Variants in ROR1 observed in about 807,000 individuals in gnomAD.
The protein encoded by ROR1 is ROR family WNT receptor 1.
ROR1 carries 19 observed loss-of-function variants against 78.8 expected under a neutral mutation model. The ratio of observed to expected loss-of-function variants is 0.24; its 90% CI spans 0.17 to 0.35. The LOEUF is 0.35. Among genes scored for constraint, ROR1 ranks in the 10% least tolerant of loss-of-function variants. ROR1 has a pLI of 1.00. For missense variants in ROR1, 917 were observed against 1,177.8 expected (o/e 0.78, Z 3.24); for synonymous variants, 386 against 433.6 (o/e 0.89, Z 1.36).
intron 1 of ROR1, among the ~76,000 whole-genome samples, chr1:63,938,597 G>A (rs1398651117): frequency 2.6e-5 from 4 of 152,160 alleles, no homozygotes; most frequent in Admixed American, 1.3e-4. Context: ...TCGGATTGCT[G>A]TTCAATGAAA....
At chr1:64,081,284 C>T (rs370662990) in intron 4 of ROR1, among the ~76,000 whole-genome samples, 1 of 152,132 alleles carries the variant, frequency 6.6e-6, no homozygotes, top group East Asian at 1.9e-4. Context: ...TTCTGGGAAC[C>T]TGTATTGAAA....
chr1:63,859,590 C>T (rs1645167893), intron 1 of ROR1, among the ~76,000 whole-genome samples: 1 of 152,190 alleles, frequency 6.6e-6, no homozygotes, highest in Admixed American at 6.5e-5. Context: ...ATGGGTAAAG[C>T]TTGGAGCTTG....
intron 1 of ROR1, among the ~76,000 whole-genome samples, chr1:63,999,130 C>T (rs991288306): frequency 6.6e-6 from 1 of 152,220 alleles, no homozygotes; most frequent in African/African-American, 2.4e-5. Flanking sequence ...TACAGAAATA[C>T]AGACGTATAC....
chr1:64,113,193 G>A (rs370864439), intron 4 of ROR1, among the ~76,000 whole-genome samples: 305 of 152,130 alleles, frequency 2.0e-3, no homozygotes, highest in African/African-American at 7.2e-3. Flanking sequence ...CTCTTTTATA[G>A]TTATTTCTGT....
intron 2 of ROR1, among the ~76,000 whole-genome samples, chr1:64,034,391 T>C (rs1288944870): frequency 6.6e-6 from 1 of 152,168 alleles, no homozygotes; most frequent in East Asian, 1.9e-4. Context: ...TTCAGAATTT[T>C]TGTTTCTTGA....
intron 1 of ROR1, among the ~76,000 whole-genome samples, chr1:63,821,450 C>G (rs780082656): frequency 2.0e-5 from 3 of 152,184 alleles, no homozygotes; most frequent in Non-Finnish European, 2.9e-5. Context: ...CTTTTCACTG[C>G]TGCATTTGGA....
chr1:64,123,856 C>T (rs758830149), intron 4 of ROR1, among the ~76,000 whole-genome samples: 4 of 151,852 alleles, frequency 2.6e-5, no homozygotes, highest in Admixed American at 2.0e-4. Flanking sequence ...TACCTTTTAC[C>T]CCAAAATAAT....
rs1187102589 is a variant in ROR1, at chr1:64,179,340, C to G, written c.*485C>G. ...ATTGAATTTAGACTCTGTGCATGTT[C>G]TTATGGAAATGATGTTCAGAATCCA... On this transcript the variant is annotated 3_prime_UTR_variant, in exon 9 of 9. Transcript: ENST00000371079. The G allele has an allele frequency of 2.6e-5, 4 of 153,086 alleles. No homozygotes were observed. Among genetic ancestry groups the G allele is most frequent in the Non-Finnish European group, 5.8e-5 (4 of 68,780 alleles). The allele number at this position is 153,086 out of a possible 1,614,324, so 9.5% of individuals were successfully genotyped here.
intron 1 of ROR1, among the ~76,000 whole-genome samples, chr1:63,970,316 T>C (rs934192271): frequency 3.3e-5 from 5 of 152,190 alleles, no homozygotes; most frequent in South Asian, 2.1e-4. Context: ...CCACCACTTT[T>C]TGTGTTTCTA....
intron 4 of ROR1, among the ~76,000 whole-genome samples, chr1:64,085,279 T>A (rs1042013789): frequency 1.3e-5 from 2 of 152,176 alleles, no homozygotes; most frequent in African/African-American, 4.8e-5. Context: ...AAAGGCAGCG[T>A]TTTCCTACAG....
At chr1:64,067,062 A>T (rs1646961874) in intron 4 of ROR1, among the ~76,000 whole-genome samples, 1 of 152,132 alleles carries the variant, frequency 6.6e-6, no homozygotes, top group African/African-American at 2.4e-5. Context: ...TCATGGAAAT[A>T]CTTGAGGCCA....
chr1:64,020,067 C>CT, intron 2 of ROR1, among the ~76,000 whole-genome samples: 1 of 152,256 alleles, frequency 6.6e-6, no homozygotes, highest in African/African-American at 2.4e-5. Context: ...CCCTCAGAAA[C>CT]TAAGAGACAA....
At chr1:63,888,268 T>C (rs114509569) in intron 1 of ROR1, among the ~76,000 whole-genome samples, 2,795 of 152,246 alleles carry the variant, frequency 0.018, 81 homozygotes, top group African/African-American at 0.064. Context: ...CTGTGGGTAC[T>C]AAGTTTAAGC....
At chr1:64,171,709 C>G (rs755138046) in intron 8 of ROR1, among the ~76,000 whole-genome samples, 1 of 152,192 alleles carries the variant, frequency 6.6e-6, no homozygotes, top group Non-Finnish European at 1.5e-5. Context: ...GTTAAAGCCC[C>G]GTTTCTGTCC....
intron 8 of ROR1, among the ~76,000 whole-genome samples, chr1:64,162,014 C>G (rs773970062): frequency 6.6e-5 from 10 of 151,876 alleles, no homozygotes; most frequent in Non-Finnish European, 8.8e-5. Context: ...ATTACATGTA[C>G]CTATAAAATC....
intron 4 of ROR1, among the ~76,000 whole-genome samples, chr1:64,108,594 A>G (rs891282799): frequency 1.3e-5 from 2 of 152,014 alleles, no homozygotes; most frequent in South Asian, 2.1e-4. Flanking sequence ...GGGAATCACT[A>G]TGGGGCTCCC....
chr1:64,109,481 C>T (rs1647984869), intron 4 of ROR1, among the ~76,000 whole-genome samples: 1 of 152,208 alleles, frequency 6.6e-6, no homozygotes, highest in South Asian at 2.1e-4. Flanking sequence ...TCCATTCCTG[C>T]ACTTATGATG....
intron 2 of ROR1, among the ~76,000 whole-genome samples, chr1:64,041,782 A>G (rs1268756925): frequency 6.6e-6 from 1 of 152,208 alleles, no homozygotes; most frequent in Non-Finnish European, 1.5e-5. Flanking sequence ...GTGTTCGGCC[A>G]GCACCCAGCC....
At chr1:63,832,347 G>C (rs1488177971) in intron 1 of ROR1, among the ~76,000 whole-genome samples, 1 of 152,166 alleles carries the variant, frequency 6.6e-6, no homozygotes, top group Non-Finnish European at 1.5e-5. Flanking sequence ...CTGTTATAAA[G>C]AACTGCCTGA....
Sources: gnomAD v4.1 joint callset for allele counts (sites outside exome capture counted in the v4.1 genomes callset) on GRCh38, gnomAD v4.1.1 for gene constraint, MANE v1.5 for transcripts, NCBI Gene and HGNC (gene_info 2026-07-23, HGNC 2026-07-21) for gene names.